SLCO1B3: variants seen among roughly 807,000 people sequenced by gnomAD.
The protein encoded by SLCO1B3 is liver-specific organic anion transporter 2.
Under a neutral mutation model 71.8 loss-of-function variants are expected in SLCO1B3, and 72 were observed. That is an observed-to-expected ratio of 1.00 (90% confidence interval 0.83 to 1.22). The LOEUF is 1.22. SLCO1B3 is among the 50% of genes most tolerant of loss of function. The pLI is 0.00. For missense variants in SLCO1B3, 911 were observed against 819.7 expected (o/e 1.11, Z -1.36); for synonymous variants, 298 against 278.4 (o/e 1.07, Z -0.70).
chr12:20,898,562 CTGAA>C (rs1815874668), intron 14 of SLCO1B3, 62 bp downstream of exon 14: 1 of 732,782 alleles, frequency 1.4e-6, no homozygotes, highest in East Asian at 2.9e-5. Context: ...ATACTAAAGA[CTGAA>C]TGCAATTAAT....
intron 12 of SLCO1B3, among the ~76,000 whole-genome samples, chr12:20,881,685 T>C (rs796369353): frequency 2.3e-4 from 35 of 152,270 alleles, no homozygotes; most frequent in African/African-American, 6.5e-4. Flanking sequence ...CTTTTTTTTT[T>C]CCATGTGACA....
At chr12:20,828,323 AAC>A (rs1864470143) in intron 3 of SLCO1B3, among the ~76,000 whole-genome samples, 1 of 150,430 alleles carries the variant, frequency 6.6e-6, no homozygotes, top group Non-Finnish European at 1.5e-5. Flanking sequence ...AAAAAAAGGT[AAC>A]ACAATACAAA....
At chr12:20,854,342 G>A (rs555926264) in intron 3 of SLCO1B3, among the ~76,000 whole-genome samples, 1 of 152,004 alleles carries the variant, frequency 6.6e-6, no homozygotes, top group Non-Finnish European at 1.5e-5. Context: ...TTTTCCTTCA[G>A]TTGTATCTAT....
At chr12:20,901,562 G>T (rs990434389) in intron 15 of SLCO1B3, 95 bp downstream of exon 15, 1 of 630,494 alleles carries the variant, frequency 1.6e-6, no homozygotes. Flanking sequence ...TAATATTAAT[G>T]ATAGCTACCA....
intron 3 of SLCO1B3, among the ~76,000 whole-genome samples, chr12:20,846,026 G>A (rs1864912416): frequency 6.6e-6 from 1 of 151,146 alleles, no homozygotes; most frequent in Non-Finnish European, 1.5e-5. Context: ...AAATCAAAAA[G>A]TGAGCAGGAG....
chr12:20,868,872 G>A (rs573572608), intron 8 of SLCO1B3, among the ~76,000 whole-genome samples: 11 of 152,150 alleles, frequency 7.2e-5, no homozygotes, highest in South Asian at 2.1e-4. Context: ...CCTGGCAGCC[G>A]AGGCAGAGAA....
chr12:20,860,990 A>G, intron 5 of SLCO1B3, 27 bp from the exon 6 acceptor site: 2 of 1,540,990 alleles, frequency 1.3e-6, no homozygotes, highest in East Asian at 4.7e-5. Context: ...GATAAGCAAA[A>G]TGTTCAATTT....
chr12:20,875,952 A>T (rs1444366275), intron 9 of SLCO1B3, among the ~76,000 whole-genome samples: 2 of 152,124 alleles, frequency 1.3e-5, no homozygotes, highest in Non-Finnish European at 2.9e-5. Context: ...ATGGTAGGTT[A>T]TATTTAACTA....
intron 8 of SLCO1B3, among the ~76,000 whole-genome samples, chr12:20,866,598 T>G (rs2121266349): frequency 6.6e-6 from 1 of 152,154 alleles, no homozygotes; most frequent in South Asian, 2.1e-4. Flanking sequence ...CAAAAAAGTG[T>G]CAGTATAACA....
intron 8 of SLCO1B3, among the ~76,000 whole-genome samples, chr12:20,870,863 T>C (rs1306879254): frequency 6.6e-6 from 1 of 152,322 alleles, no homozygotes. Context: ...ATGTTCCTTC[T>C]ATTCCCAGAT....
intron 3 of SLCO1B3, chr12:20,845,077 G>C: frequency 2.6e-6 from 1 of 385,022 alleles, no homozygotes; most frequent in Non-Finnish European, 5.0e-6. Flanking sequence ...AAGTTTCAGA[G>C]ATGGATTCAT....
Position 20,916,287 on chromosome 12 carries a change from C to G in SLCO1B3, c.*40C>G. 6.3e-7 allele frequency: 1 copy of G among 1,582,384 alleles called. No homozygotes were observed. Among genetic ancestry groups the G allele is most frequent in the Non-Finnish European group, 8.6e-7 (1 of 1,160,710 alleles). ...ATTAAGATGTTATTTTTGAGGTGTT[C>G]CTGGTCTTTCACTGACAATTCCAAC... On this transcript the variant is annotated 3_prime_UTR_variant, in exon 16 of 16. Transcript: ENST00000381545.
At chr12:20,907,338 A>G (rs895218951) in intron 15 of SLCO1B3, among the ~76,000 whole-genome samples, 2 of 152,022 alleles carry the variant, frequency 1.3e-5, no homozygotes, top group Non-Finnish European at 2.9e-5. Context: ...ATTCTCTTAA[A>G]TTTAAAATAA....
chr12:20,836,708 C>G (rs1864688558), intron 3 of SLCO1B3, among the ~76,000 whole-genome samples: 1 of 152,120 alleles, frequency 6.6e-6, no homozygotes, highest in South Asian at 2.1e-4. Flanking sequence ...GTGGTGCTGT[C>G]TCAGCTCACT....
chr12:20,893,647 G>A (rs1433906446), intron 13 of SLCO1B3, among the ~76,000 whole-genome samples: 4 of 152,172 alleles, frequency 2.6e-5, no homozygotes, highest in Admixed American at 2.0e-4. Context: ...AAGTGAAAGG[G>A]CTACAAAGAA....
chr12:20,891,231 A>T (rs1243749703), intron 13 of SLCO1B3, among the ~76,000 whole-genome samples: 2 of 151,836 alleles, frequency 1.3e-5, no homozygotes, highest in African/African-American at 4.8e-5. Flanking sequence ...AAATTCCCTT[A>T]GTGTTTGCTT....
chr12:20,829,192 G>A (rs571802003), intron 3 of SLCO1B3, among the ~76,000 whole-genome samples: 6 of 152,318 alleles, frequency 3.9e-5, no homozygotes, highest in South Asian at 4.1e-4. Flanking sequence ...TTATAGGATC[G>A]CTGAGTGATC....
intron 9 of SLCO1B3, among the ~76,000 whole-genome samples, chr12:20,877,037 G>T (rs1194985829): frequency 6.6e-6 from 1 of 152,026 alleles, no homozygotes; most frequent in Non-Finnish European, 1.5e-5. Context: ...CACCGTGTTG[G>T]CCAGGCTGGT....
At chr12:20,828,577 G>GA (rs758361096) in intron 3 of SLCO1B3, among the ~76,000 whole-genome samples, 42 of 151,342 alleles carry the variant, frequency 2.8e-4, no homozygotes, top group Non-Finnish European at 3.4e-4. Flanking sequence ...CAACTGAGAA[G>GA]AAAAAAGAAC....
Sources: gnomAD v4.1 joint callset for allele counts (sites outside exome capture counted in the v4.1 genomes callset) on GRCh38, gnomAD v4.1.1 for gene constraint, MANE v1.5 for transcripts, NCBI Gene and HGNC (gene_info 2026-07-23, HGNC 2026-07-21) for gene names.